The following GRIN2A variants were observed in gnomAD, a reference collection of about 807,000 sequenced individuals.
GRIN2A encodes the protein glutamate receptor ionotropic, NMDA 2A.
Under a neutral mutation model 113.4 loss-of-function variants are expected in GRIN2A, and 22 were observed. That is an observed-to-expected ratio of 0.19 (90% CI 0.14 to 0.28). GRIN2A has a LOEUF of 0.28. Among genes scored for constraint, GRIN2A ranks in the 10% least tolerant of loss-of-function variants. The pLI is 1.00. For missense variants in GRIN2A, 1,502 were observed against 1,887.0 expected (o/e 0.80, Z 3.78); for synonymous variants, 827 against 738.4 (o/e 1.12, Z -1.94).
In GRIN2A at chr16:9,756,363, G is replaced by C. The variant is rs558886473; in HGVS notation, c.*6786C>G. 9 of 230,664 alleles carry C rather than the reference G, an allele frequency of 3.9e-5. No individual in the cohort carries two copies. The highest frequency in any genetic ancestry group is 6.9e-5 in the Non-Finnish European group (8 of 116,414). The allele number at this position is 230,664 out of a possible 1,614,324, so 14.3% of individuals were successfully genotyped here. ...AGTCTCAGAAGGAACTATGAACAGAGGTGAGATCCCCAGAAGTTCTCCATA... is the reference window on the plus strand; with the variant it reads ...AGTCTCAGAAGGAACTATGAACAGACGTGAGATCCCCAGAAGTTCTCCATA... On this transcript the variant is annotated 3_prime_UTR_variant, in exon 13 of 13. Coordinates refer to ENST00000330684, the MANE Select transcript of GRIN2A (RefSeq NM_001134407.3).
intron 9 of GRIN2A, 74 bp downstream of exon 9, chr16:9,829,349 C>A: frequency 2.1e-6 from 2 of 934,406 alleles, no homozygotes; most frequent in South Asian, 2.7e-5. Flanking sequence ...TGAGAGGCAC[C>A]TGAATCTCTT....
intron 2 of GRIN2A, among the ~76,000 whole-genome samples, chr16:9,957,489 C>A (rs2045335172): frequency 6.6e-6 from 1 of 152,166 alleles, no homozygotes; most frequent in South Asian, 2.1e-4. Context: ...CCATGTGAAA[C>A]CCCAATTCAC....
intron 2 of GRIN2A, among the ~76,000 whole-genome samples, chr16:9,983,860 C>G (rs1024284680): frequency 1.7e-4 from 26 of 152,218 alleles, no homozygotes; most frequent in African/African-American, 6.0e-4. Flanking sequence ...CTGCAATAAA[C>G]ATGGCAGTGG....
chr16:10,112,318 T>C (rs11866570), intron 2 of GRIN2A: 71,238 of 643,826 alleles, frequency 0.11, 4,843 homozygotes, highest in African/African-American at 0.18. Flanking sequence ...AAGAACCTGA[T>C]TGACACTGGT....
At chr16:10,027,163 T>C (rs1483714103) in intron 2 of GRIN2A, among the ~76,000 whole-genome samples, 1 of 152,186 alleles carries the variant, frequency 6.6e-6, no homozygotes. Context: ...CAAGTAGCAT[T>C]TGTTACATGA....
intron 2 of GRIN2A, among the ~76,000 whole-genome samples, chr16:10,013,779 A>G (rs912448826): frequency 6.6e-5 from 10 of 152,240 alleles, no homozygotes; most frequent in African/African-American, 2.4e-4. Flanking sequence ...TTTTCCAGGC[A>G]AAGAGATTTT....
rs1555469968 is a variant in GRIN2A, at chr16:10,044,007, G to GTGTA, written c.415-105457_415-105456insTACA. ...TACACATACGTGTGTGTGTGTGTGT[G>GTGTA]TATATATATATATATAGAGAGAGAG... is the stretch of plus-strand genomic sequence containing the variant. On this transcript the variant is annotated intron_variant, in intron 2 of 12. Coordinates refer to ENST00000330684, the MANE Select transcript of GRIN2A (RefSeq NM_001134407.3). Among the ~76,000 whole-genome samples, 166 of 116,906 alleles carry GTGTA rather than the reference G, an allele frequency of 1.4e-3. 2 individuals carry two copies. The highest frequency in any genetic ancestry group is 5.3e-3 in the African/African-American group (160 of 30,058). 76.7% of individuals were successfully genotyped at this position (116,906 alleles called of 152,430 possible).
At position 10,075,548 on chromosome 16, in the gene GRIN2A, T is replaced by C. The variant is rs114550912; in HGVS notation, c.414+104450A>G. Among the ~76,000 whole-genome samples, 480 of 152,304 alleles carry C rather than the reference T, an allele frequency of 3.2e-3. 3 individuals carry two copies. Among genetic ancestry groups the C allele is most frequent in the African/African-American group, 0.011 (461 of 41,568 alleles). On this transcript the variant is annotated intron_variant, in intron 2 of 12. Transcript: ENST00000330684. Reference sequence around the variant, plus strand: ...TGATGATTGCACAACAATGTGAATGTACTTAACGCCACTGAACTTAAAAAT... The same window carrying C: ...TGATGATTGCACAACAATGTGAATGCACTTAACGCCACTGAACTTAAAAAT...
intron 2 of GRIN2A, among the ~76,000 whole-genome samples, chr16:9,971,135 A>G (rs2045661909): frequency 6.6e-6 from 1 of 152,214 alleles, no homozygotes; most frequent in African/African-American, 2.4e-5. Flanking sequence ...GGATGCCCAC[A>G]CTGTTTTCTG....
chr16:9,884,347 A>G (rs1207651922), intron 4 of GRIN2A, among the ~76,000 whole-genome samples: 1 of 152,134 alleles, frequency 6.6e-6, no homozygotes, highest in Non-Finnish European at 1.5e-5. Flanking sequence ...TCAGGGGTTC[A>G]AGACCAGCCT....
intron 2 of GRIN2A, among the ~76,000 whole-genome samples, chr16:10,024,504 C>T (rs749549825): frequency 6.6e-5 from 10 of 152,252 alleles, no homozygotes; most frequent in Non-Finnish European, 1.5e-4. Context: ...AGGCGTGAGC[C>T]AACGTGCCCA....
chr16:9,971,060 T>C (rs2045660258), intron 2 of GRIN2A, among the ~76,000 whole-genome samples: 1 of 152,062 alleles, frequency 6.6e-6, no homozygotes, highest in Non-Finnish European at 1.5e-5. Flanking sequence ...AAAGAGATGA[T>C]CAAGGCATGA....
At chr16:10,044,022 T>TATATAGAGAGAGATAGAGAG (rs531659457) in intron 2 of GRIN2A, among the ~76,000 whole-genome samples, 16 of 108,008 alleles carry the variant, frequency 1.5e-4, no homozygotes, top group African/African-American at 6.2e-4. Flanking sequence ...TATATATATA[T>TATATAGAGAGAGATAGAGAG]AGAGAGAGAG....
chr16:9,815,038 A>G (rs911790896), intron 10 of GRIN2A, among the ~76,000 whole-genome samples: 1 of 151,890 alleles, frequency 6.6e-6, no homozygotes, highest in Admixed American at 6.6e-5. Context: ...AAAAAAAAAA[A>G]AAGGTACATT....
intron 12 of GRIN2A, among the ~76,000 whole-genome samples, chr16:9,766,677 G>T (rs767920175): frequency 6.6e-6 from 1 of 152,144 alleles, no homozygotes; most frequent in Non-Finnish European, 1.5e-5. Context: ...TCTTACAAAT[G>T]AGCCACTGCG....
At chr16:10,154,614 C>T (rs888676748) in intron 2 of GRIN2A, among the ~76,000 whole-genome samples, 9 of 152,120 alleles carry the variant, frequency 5.9e-5, no homozygotes, top group Admixed American at 5.2e-4. Flanking sequence ...ACACATAAGA[C>T]ACTGTTCCTG....
At position 9,763,234 on chromosome 16, in the gene GRIN2A, T is replaced by C. The variant is rs1427097667; in HGVS notation, c.4310A>G (p.Asn1437Ser). ...TAAAACCCTGGGGGTAGAGTACATA[T>C]TATTCTTATTTGCAGCATAAGGCAT... ...HVMPYAANKN[N>S]MYSTPRVLNS... Residue 1437 changes from asparagine (N) to serine (S), a missense_variant, in exon 13 of 13, where the codon AAT (asparagine) becomes AGT (serine). Physicochemically the swap from Asn to Ser is conservative, Grantham distance 46. Transcript: ENST00000330684. The C allele has an allele frequency of 6.2e-7, 1 of 1,613,932 alleles. No homozygotes were observed. The highest frequency in any genetic ancestry group is 8.5e-7 in the Non-Finnish European group (1 of 1,179,932).
chr16:9,878,325 A>G (rs2141446785), intron 4 of GRIN2A, among the ~76,000 whole-genome samples: 1 of 152,284 alleles, frequency 6.6e-6, no homozygotes, highest in East Asian at 1.9e-4. Context: ...GTTGCTTCCA[A>G]TTTCTCTCCT....
rs1380683758 is a variant in GRIN2A, at chr16:9,761,864, C to G, written c.*1285G>C. 1 of 205,540 alleles carries G rather than the reference C, an allele frequency of 4.9e-6. No individual in the cohort carries two copies. The highest frequency in any genetic ancestry group is 2.3e-5 in the African/African-American group (1 of 43,770). The allele number at this position is 205,540 out of a possible 1,614,324, so 12.7% of individuals were successfully genotyped here. A position where few individuals can be genotyped will look rare whatever the true frequency, so the allele number is the denominator to read the frequency against. ...GTGCTATGAAGTGGTTTGCCACCAA[C>G]AGAGAGAATAACTCAGAAGGGAGAA... On this transcript the variant is annotated 3_prime_UTR_variant, in exon 13 of 13. Coordinates refer to ENST00000330684, the MANE Select transcript of GRIN2A (RefSeq NM_001134407.3).
Sources: gnomAD v4.1 joint callset for allele counts (sites outside exome capture counted in the v4.1 genomes callset) on GRCh38, gnomAD v4.1.1 for gene constraint, MANE v1.5 for transcripts, NCBI Gene and HGNC (gene_info 2026-07-23, HGNC 2026-07-21) for gene names.